The following ZFYVE9 variants were observed in gnomAD, a reference collection of about 807,000 sequenced individuals.
The protein encoded by ZFYVE9 is zinc finger FYVE domain-containing protein 9.
Under a neutral mutation model 126.7 loss-of-function variants are expected in ZFYVE9, and 43 were observed. The ratio of observed to expected loss-of-function variants is 0.34; its 90% confidence interval spans 0.27 to 0.44. The LOEUF (loss-of-function observed/expected upper bound fraction) is 0.44. Among genes scored for constraint, ZFYVE9 ranks in the 20% least tolerant of loss-of-function variants. ZFYVE9 has a pLI of 1.00. For missense variants in ZFYVE9, 1,476 were observed against 1,697.0 expected (o/e 0.87, Z 2.29); for synonymous variants, 521 against 597.4 (o/e 0.87, Z 1.87).
At chr1:52,162,569 G>A in intron 1 of ZFYVE9, 1 of 258,336 alleles carries the variant, frequency 3.9e-6, no homozygotes. Context: ...TTTGCTGGTT[G>A]TAAACCACAT....
intron 1 of ZFYVE9, among the ~76,000 whole-genome samples, 153 bp from the exon 2 acceptor site, chr1:52,216,216 T>C (rs1212988773): frequency 2.0e-5 from 3 of 152,240 alleles, no homozygotes; most frequent in Non-Finnish European, 4.4e-5. Flanking sequence ...GTTGCTACCT[T>C]GTATGCAAGC....
chr1:52,293,760 A>G lies in ZFYVE9; in HGVS notation c.3250+83A>G. 2.3e-6 allele frequency: 3 copies of G among 1,317,044 alleles called. 1 individual carries two copies. In the South Asian group the frequency reaches 4.1e-5, roughly 18 times the overall value. The allele number at this position is 1,317,044 out of a possible 1,614,324, so 81.6% of individuals were successfully genotyped here. A position where few individuals can be genotyped will look rare whatever the true frequency, so the allele number is the denominator to read the frequency against. On this transcript the variant is annotated intron_variant, in intron 11 of 18. Transcript: ENST00000287727. ...TCAGAGCCCTCTGTTTGGTGATATA[A>G]TTCAGCAGAAATAGTCTTTTGAAAT... is the stretch of plus-strand genomic sequence containing the variant.
intron 8 of ZFYVE9, among the ~76,000 whole-genome samples, chr1:52,277,446 A>ACTATAT (rs1645759058): frequency 6.6e-6 from 1 of 152,148 alleles, no homozygotes; most frequent in Admixed American, 6.6e-5. Flanking sequence ...TATTACTTAA[A>ACTATAT]CTATATTACA....
At chr1:52,342,450 T>A (rs2147878487) in intron 17 of ZFYVE9, among the ~76,000 whole-genome samples, 1 of 151,674 alleles carries the variant, frequency 6.6e-6, no homozygotes, top group East Asian at 1.9e-4. Context: ...TTTTGTATTT[T>A]TAGTAGAGAT....
intron 15 of ZFYVE9, among the ~76,000 whole-genome samples, chr1:52,336,568 A>G (rs1027729864): frequency 1.3e-5 from 2 of 151,970 alleles, no homozygotes. Flanking sequence ...CATGTTGGTC[A>G]GGCTGGTCTT....
chr1:52,225,978 C>A (rs764932646), intron 2 of ZFYVE9, among the ~76,000 whole-genome samples: 5 of 152,022 alleles, frequency 3.3e-5, no homozygotes, highest in Non-Finnish European at 7.4e-5. Context: ...ACGGGTCTTC[C>A]GAGGGAAAAG....
At chr1:52,333,058 C>T (rs1480866462) in intron 14 of ZFYVE9, 140 bp downstream of exon 14, 1 of 1,196,504 alleles carries the variant, frequency 8.4e-7, no homozygotes, top group African/African-American at 1.5e-5. Context: ...CCATATTCTT[C>T]AGGATTATGT....
chr1:52,197,671 G>A (rs1457797925), intron 1 of ZFYVE9, among the ~76,000 whole-genome samples: 2 of 10,948 alleles, frequency 1.8e-4, no homozygotes, highest in Non-Finnish European at 3.7e-4. Context: ...TAAAGGAGGA[G>A]GATGTGATCT....
intron 1 of ZFYVE9, among the ~76,000 whole-genome samples, chr1:52,193,562 C>T (rs1038711880): frequency 1.3e-5 from 2 of 151,592 alleles, no homozygotes; most frequent in Non-Finnish European, 2.9e-5. Flanking sequence ...CAAAAATTAG[C>T]TGGGCATGGT....
At chr1:52,233,144 A>G in intron 2 of ZFYVE9, 27 bp from the exon 3 acceptor site, 1 of 1,065,638 alleles carries the variant, frequency 9.4e-7, no homozygotes, top group Non-Finnish European at 1.3e-6. Context: ...TTAATAATTC[A>G]AAATGTAATA....
intron 15 of ZFYVE9, chr1:52,335,337 A>G (rs1646378845): frequency 6.5e-6 from 1 of 152,964 alleles, no homozygotes; most frequent in Admixed American, 6.5e-5. Flanking sequence ...TGACAGGGCA[A>G]TGCAGGGATG....
chr1:52,184,931 A>G (rs1190511586), intron 1 of ZFYVE9, among the ~76,000 whole-genome samples: 2 of 152,010 alleles, frequency 1.3e-5, no homozygotes, highest in South Asian at 2.1e-4. Flanking sequence ...AAGGGGGAGG[A>G]TTGTTTGAGC....
chr1:52,345,997 C>T, intron 18 of ZFYVE9, 63 bp from the exon 19 acceptor site: 1 of 1,449,328 alleles, frequency 6.9e-7, no homozygotes. Flanking sequence ...GCCTCCTTGC[C>T]CTCAGCCCTG....
At chr1:52,180,547 GTGACTGAGGC>G (rs1472945856) in intron 1 of ZFYVE9, 1 of 676,180 alleles carries the variant, frequency 1.5e-6, no homozygotes, top group African/African-American at 1.8e-5. Context: ...GATTCTGAGG[GTGACTGAGGC>G]TGCAGCTGCT....
At chr1:52,220,824 A>G (rs346557) in intron 2 of ZFYVE9, among the ~76,000 whole-genome samples, 31,611 of 152,108 alleles carry the variant, frequency 0.21, 6,508 homozygotes, top group African/African-American at 0.54. Context: ...TGGAGGGGGA[A>G]ACAAAGGGAT....
At chr1:52,342,537 CTTT>C (rs11327271) in intron 17 of ZFYVE9, among the ~76,000 whole-genome samples, 21 of 127,466 alleles carry the variant, frequency 1.6e-4, no homozygotes, top group Admixed American at 3.9e-4. Flanking sequence ...CCCAAAGTGC[CTTT>C]TTTTTTTTTT....
intron 2 of ZFYVE9, among the ~76,000 whole-genome samples, chr1:52,227,318 G>A (rs1259071647): frequency 6.6e-6 from 1 of 152,114 alleles, no homozygotes; most frequent in Admixed American, 6.5e-5. Flanking sequence ...AGAAGATAGT[G>A]CCCTCTTTTC....
At chr1:52,258,542 C>G (rs1317377620) in intron 4 of ZFYVE9, among the ~76,000 whole-genome samples, 4 of 152,182 alleles carry the variant, frequency 2.6e-5, no homozygotes, top group African/African-American at 9.7e-5. Context: ...TTGAGAAGCA[C>G]TGACTAACCT....
chr1:52,177,701 T>C (rs1644650619), intron 1 of ZFYVE9, among the ~76,000 whole-genome samples: 1 of 152,158 alleles, frequency 6.6e-6, no homozygotes, highest in African/African-American at 2.4e-5. Flanking sequence ...TTGTTTAGTA[T>C]TGAAAAATTA....
Sources: gnomAD v4.1 joint callset for allele counts (sites outside exome capture counted in the v4.1 genomes callset) on GRCh38, gnomAD v4.1.1 for gene constraint, MANE v1.5 for transcripts, NCBI Gene and HGNC (gene_info 2026-07-23, HGNC 2026-07-21) for gene names.